SLC9C2: variants seen among roughly 807,000 people sequenced by gnomAD.
The protein encoded by SLC9C2 is solute carrier family 9 member C2 (putative).
In SLC9C2, 75 loss-of-function variants were observed where a neutral mutation model predicts 140.2. The ratio of observed to expected loss-of-function variants is 0.53; its 90% CI spans 0.44 to 0.65. The LOEUF (loss-of-function observed/expected upper bound fraction) is 0.65, where lower values mean the gene tolerates loss of function less well. Among genes scored for constraint, SLC9C2 ranks in the 30% least tolerant of loss-of-function variants. SLC9C2 has a pLI of 0.00. For synonymous variants in SLC9C2, 375 were observed against 420.9 expected, an observed-to-expected ratio of 0.89 and a Z score of 1.34; for missense variants, 1,074 against 1,331.8, an observed-to-expected ratio of 0.81 and a Z score of 3.01.
chr1:173,571,598 T>G (rs1664848164), intron 9 of SLC9C2: 1 of 152,220 alleles, frequency 6.6e-6, no homozygotes. Flanking sequence ...TATTATTTTC[T>G]AATATATTAT....
At chr1:173,595,428 C>A (rs764675635) in intron 4 of SLC9C2, among the ~76,000 whole-genome samples, 31 of 152,056 alleles carry the variant, frequency 2.0e-4, no homozygotes, top group Admixed American at 1.1e-3. Context: ...TTTCTAGAAG[C>A]CTATTCAGCA....
chr1:173,545,225 G>T (rs72709337), intron 13 of SLC9C2, among the ~76,000 whole-genome samples: 4,906 of 152,274 alleles, frequency 0.032, 118 homozygotes, highest in Non-Finnish European at 0.045. Context: ...GTGAAGTGGG[G>T]CGGACTAAAC....
At chr1:173,509,403 C>T (rs1659878453) in intron 24 of SLC9C2, among the ~76,000 whole-genome samples, 165 bp downstream of exon 24, 1 of 151,380 alleles carries the variant, frequency 6.6e-6, no homozygotes, top group African/African-American at 2.4e-5. Context: ...TGAGACTGCA[C>T]CATTGCACTC....
intron 5 of SLC9C2, among the ~76,000 whole-genome samples, chr1:173,584,517 G>A (rs186448118): frequency 6.6e-6 from 1 of 152,224 alleles, no homozygotes; most frequent in African/African-American, 2.4e-5. Context: ...TTCACTGAGT[G>A]TAGAATTCTA....
chr1:173,521,363 T>G lies in SLC9C2; in HGVS notation c.2677A>C (p.Thr893Pro). The G allele has an allele frequency of 6.4e-7, 1 of 1,554,816 alleles. No individual in the cohort carries two copies. The highest frequency in any genetic ancestry group is 8.6e-7 in the Non-Finnish European group (1 of 1,158,494). ...GGCATTTCACCTCCTTTACAAATGGTATCTCCAGAGTCAAAACAGGCAAGT... is the reference window on the plus strand; with the variant it reads ...GGCATTTCACCTCCTTTACAAATGGGATCTCCAGAGTCAAAACAGGCAAGT... The part of the protein sequence containing the change: ...AKLACFDSGD[T>P]ICKGGEMPQG... Residue 893 changes from threonine (T) to proline (P), a missense_variant, in exon 22 of 28, where the codon ACC (threonine) becomes CCC (proline). Physicochemically the swap from Thr to Pro is conservative, Grantham distance 38. Transcript: ENST00000367714.
At chr1:173,573,390 T>A (rs564623298) in intron 8 of SLC9C2, 65 bp from the exon 9 acceptor site, 3 of 1,136,018 alleles carry the variant, frequency 2.6e-6, no homozygotes, top group Non-Finnish European at 3.7e-6. Flanking sequence ...TTCCTTTTCA[T>A]ATAAAATCAT....
chr1:173,557,329 A>C lies in SLC9C2; in HGVS notation c.1215+11T>G, dbSNP rs777401236. On this transcript the variant is annotated intron_variant, in intron 10 of 27. Transcript: ENST00000367714. Reference sequence around the variant, plus strand: ...TAAATATGAATAATCATGAGACATGATCTTTCCTACCATTTGTGGTACTTC... The same window carrying C: ...TAAATATGAATAATCATGAGACATGCTCTTTCCTACCATTTGTGGTACTTC... 6.2e-7 allele frequency: 1 copy of C among 1,606,276 alleles called. No homozygotes were observed. The highest frequency in any genetic ancestry group is 8.5e-7 in the Non-Finnish European group (1 of 1,177,052).
intron 4 of SLC9C2, among the ~76,000 whole-genome samples, chr1:173,591,704 C>G (rs567908341): frequency 7.2e-5 from 11 of 152,186 alleles, no homozygotes; most frequent in African/African-American, 2.4e-4. Flanking sequence ...TTATCCTTTG[C>G]CCACTTTTTA....
intron 17 of SLC9C2, among the ~76,000 whole-genome samples, 173 bp downstream of exon 17, chr1:173,533,436 G>A (rs1216419791): frequency 6.6e-6 from 1 of 151,950 alleles, no homozygotes; most frequent in Non-Finnish European, 1.5e-5. Context: ...ACACCATCAT[G>A]CCCAGCTAAT....
intron 7 of SLC9C2, among the ~76,000 whole-genome samples, chr1:173,580,182 G>A (rs1429098187): frequency 6.8e-6 from 1 of 147,856 alleles, no homozygotes; most frequent in African/African-American, 2.5e-5. Context: ...AAGACTCACT[G>A]TGGCCAATTT....
intron 5 of SLC9C2, 26 bp downstream of exon 5, chr1:173,587,639 A>G (rs1665932586): frequency 5.1e-6 from 8 of 1,582,736 alleles, no homozygotes; most frequent in Non-Finnish European, 6.9e-6. Flanking sequence ...TTTTCAAGAT[A>G]AGAGAGAGAA....
At chr1:173,552,932 T>C (rs1053207664) in intron 11 of SLC9C2, among the ~76,000 whole-genome samples, 6 of 152,174 alleles carry the variant, frequency 3.9e-5, no homozygotes, top group African/African-American at 1.2e-4. Context: ...GGAAAATCAA[T>C]AAAAAACCTC....
chr1:173,524,382 C>A (rs1199870280), intron 20 of SLC9C2, among the ~76,000 whole-genome samples: 1 of 152,088 alleles, frequency 6.6e-6, no homozygotes, highest in Non-Finnish European at 1.5e-5. Context: ...ATAGGGAAAG[C>A]CAAAGGAAGA....
chr1:173,541,892 C>A (rs1662456519), intron 13 of SLC9C2, among the ~76,000 whole-genome samples: 1 of 151,988 alleles, frequency 6.6e-6, no homozygotes, highest in Non-Finnish European at 1.5e-5. Flanking sequence ...CACTAAATGC[C>A]CACAAGAGAA....
chr1:173,591,566 A>C (rs1465678236), intron 4 of SLC9C2, among the ~76,000 whole-genome samples: 1 of 152,068 alleles, frequency 6.6e-6, no homozygotes. Flanking sequence ...AATAACAGCC[A>C]TTCTGACTGG....
At chr1:173,585,329 T>C (rs1262837434) in intron 5 of SLC9C2, among the ~76,000 whole-genome samples, 1 of 152,168 alleles carries the variant, frequency 6.6e-6, no homozygotes, top group Non-Finnish European at 1.5e-5. Context: ...ATTATAGAAA[T>C]TGTAGTTCTG....
rs754463303 is a variant in SLC9C2, at chr1:173,535,895, T to G, written c.1710A>C (p.Ile570=). 6 of 1,515,030 alleles carry G rather than the reference T, an allele frequency of 4.0e-6. No individual in the cohort carries two copies. Among genetic ancestry groups the G allele is most frequent in the Non-Finnish European group, 5.3e-6 (6 of 1,127,578 alleles). The allele number at this position is 1,515,030 out of a possible 1,614,324, so 93.8% of individuals were successfully genotyped here. ...AGAAAGTTAAAACATTTTTAAACTT[T>G]ATAAGCCAACTTCTAGTTCTCATAT... is the stretch of plus-strand genomic sequence containing the variant. ...STYMRTRSWL[I]KFKNVLTFLE... The change falls in exon 15 of 28, where the codon ATA becomes ATC. Residue 570 remains isoleucine, a synonymous_variant. Transcript: ENST00000367714.
chr1:173,554,688 GTATTATT>G, intron 11 of SLC9C2, 38 bp downstream of exon 11: 2 of 1,222,896 alleles, frequency 1.6e-6, no homozygotes, highest in Non-Finnish European at 2.4e-6. Flanking sequence ...TAACCTGTTT[GTATTATT>G]CTCCCCAGCT....
At chr1:173,599,343 C>T (rs945370501) in intron 3 of SLC9C2, among the ~76,000 whole-genome samples, 2 of 135,062 alleles carry the variant, frequency 1.5e-5, no homozygotes, top group Non-Finnish European at 3.1e-5. Context: ...AACCCAAGAG[C>T]GCAAACACAT....
Sources: gnomAD v4.1 joint callset for allele counts (sites outside exome capture counted in the v4.1 genomes callset) on GRCh38, gnomAD v4.1.1 for gene constraint, MANE v1.5 for transcripts, NCBI Gene and HGNC (gene_info 2026-07-23, HGNC 2026-07-21) for gene names.